The following ANO1 variants were observed in gnomAD, a reference collection of about 807,000 sequenced individuals.
The protein encoded by ANO1 is anoctamin 1.
ANO1 carries 59 observed loss-of-function variants against 124.0 expected under a neutral mutation model. The observed-to-expected ratio is 0.48, with a 90% CI of 0.39 to 0.59. ANO1 has a LOEUF of 0.59. Among genes scored for constraint, ANO1 ranks in the 20% least tolerant of loss-of-function variants. The pLI is 0.00. For synonymous variants in ANO1, 529 were observed against 532.0 expected (o/e 0.99, Z 0.08); for missense variants, 1,059 against 1,328.0 (o/e 0.80, Z 3.15).
intron 13 of ANO1, 31 bp from the exon 14 acceptor site, chr11:70,153,026 G>A (rs2135653537): frequency 6.3e-7 from 1 of 1,578,582 alleles, no homozygotes; most frequent in East Asian, 2.3e-5. Flanking sequence ...AAATTAACAA[G>A]GACTCTGTCT....
chr11:70,167,880 G>C (rs1263557016), intron 21 of ANO1, among the ~76,000 whole-genome samples: 1 of 152,138 alleles, frequency 6.6e-6, no homozygotes, highest in Admixed American at 6.5e-5. Flanking sequence ...TCAGCTCCAA[G>C]GCCCTTCAAG....
At chr11:70,103,225 T>C in intron 3 of ANO1, 61 bp downstream of exon 3, 1 of 1,368,062 alleles carries the variant, frequency 7.3e-7, no homozygotes. Flanking sequence ...CTTGGACGCC[T>C]GGCAGTGAAA....
chr11:70,172,132 A>AAAAAAG (rs111814625), intron 22 of ANO1, among the ~76,000 whole-genome samples: 26,070 of 140,528 alleles, frequency 0.19, 3,044 homozygotes, highest in East Asian at 0.38. Context: ...AAAAAAAAAA[A>AAAAAAG]AAAAGAAAAG....
intron 12 of ANO1, among the ~76,000 whole-genome samples, chr11:70,151,396 G>C (rs910965714): frequency 6.6e-5 from 10 of 152,136 alleles, no homozygotes; most frequent in Non-Finnish European, 1.3e-4. Context: ...CCAGAGCCCT[G>C]TCCATGGAGG....
At chr11:70,160,681 C>T (rs757192999) in intron 16 of ANO1, among the ~76,000 whole-genome samples, 1 of 152,232 alleles carries the variant, frequency 6.6e-6, no homozygotes, top group African/African-American at 2.4e-5. Context: ...CTCAGCCCTG[C>T]ACCACCTGAG....
chr11:70,152,808 G>A (rs879289175), intron 13 of ANO1, among the ~76,000 whole-genome samples: 1 of 152,228 alleles, frequency 6.6e-6, no homozygotes, highest in East Asian at 1.9e-4. Flanking sequence ...TCCACCTCCA[G>A]GAGGACACAG....
chr11:70,010,179 G>GTGTATATATATATATATATATATATATA, intron 1 of ANO1, among the ~76,000 whole-genome samples: 4 of 83,806 alleles, frequency 4.8e-5, no homozygotes, highest in Non-Finnish European at 9.6e-5. Flanking sequence ...GTGTGTGTGT[G>GTGTATATATATATATATATATATATATA]TATATATATA....
intron 1 of ANO1, among the ~76,000 whole-genome samples, chr11:69,998,482 G>A (rs1184587966): frequency 1.3e-5 from 2 of 152,332 alleles, no homozygotes; most frequent in Admixed American, 6.5e-5. Flanking sequence ...TTGTGTGGGC[G>A]TCCTCATGGG....
rs2045398628 is a variant in ANO1, at chr11:70,104,240, C to G, written c.692+90C>G. 1.4e-5 allele frequency: 19 copies of G among 1,396,358 alleles called. No homozygotes were observed. The South Asian group carries it at 1.6e-4, about 12-fold the overall frequency. The allele number at this position is 1,396,358 out of a possible 1,614,324, so 86.5% of individuals were successfully genotyped here. A position where few individuals can be genotyped will look rare whatever the true frequency, so the allele number is the denominator to read the frequency against. Reference sequence around the variant, plus strand: ...TGAGAAATGCAGATTGATTATCTGTCCCCCAAAGAAGAGCGTGTTCTTGTA... The same window carrying G: ...TGAGAAATGCAGATTGATTATCTGTGCCCCAAAGAAGAGCGTGTTCTTGTA... On this transcript the variant is annotated intron_variant, in intron 4 of 25. Coordinates refer to ENST00000355303, the MANE Select transcript of ANO1 (RefSeq NM_018043.7).
upstream of ANO1, among the ~76,000 whole-genome samples, chr11:70,074,760 C>T (rs1178596399): frequency 6.6e-6 from 1 of 152,210 alleles, no homozygotes; most frequent in Non-Finnish European, 1.5e-5. Context: ...CTGCTGGCAT[C>T]TCATGGGTGG....
intron 1 of ANO1, among the ~76,000 whole-genome samples, chr11:70,013,853 G>A (rs11236594): frequency 0.78 from 118,137 of 151,016 alleles, 46,598 homozygotes; most frequent in East Asian, 1. Context: ...GGCTTCAACA[G>A]CATGAATGTG....
intron 1 of ANO1, among the ~76,000 whole-genome samples, chr11:70,062,063 CTTTCTTTTTTTT>C (rs1378813548): frequency 5.2e-5 from 4 of 76,700 alleles, no homozygotes; most frequent in Non-Finnish European, 1.1e-4. Flanking sequence ...CTCTTTCCTT[CTTTCTTTTTTTT>C]TTTTTTTTTT....
At chr11:70,183,352 G>C (rs1334725246) in intron 24 of ANO1, among the ~76,000 whole-genome samples, 2 of 152,234 alleles carry the variant, frequency 1.3e-5, no homozygotes, top group African/African-American at 4.8e-5. Context: ...CCTGTGGGAA[G>C]ACCTTCTGTT....
intron 1 of ANO1, among the ~76,000 whole-genome samples, chr11:70,003,739 C>A (rs1554999685): frequency 6.6e-6 from 1 of 152,052 alleles, no homozygotes. Context: ...ACCACTTGAT[C>A]AAATCACTCC....
chr11:70,116,373 G>A (rs2045974961), intron 7 of ANO1, 85 bp from the exon 8 acceptor site: 7 of 1,320,574 alleles, frequency 5.3e-6, no homozygotes, highest in Non-Finnish European at 7.5e-6. Context: ...AGCTGCTGGG[G>A]TTTATGTTTT....
chr11:70,047,011 T>C (rs542606074), intron 1 of ANO1, among the ~76,000 whole-genome samples: 6 of 144,698 alleles, frequency 4.1e-5, no homozygotes, highest in African/African-American at 1.6e-4. Context: ...GCCCAGAAGA[T>C]GGAGGTTGCA....
intron 1 of ANO1, chr11:70,085,770 C>G (rs2509128): frequency 0.91 from 1,235,085 of 1,354,420 alleles, 563,893 homozygotes; most frequent in Non-Finnish European, 0.92. Flanking sequence ...CCCTCCCCCT[C>G]TCCCCCACTG....
the ANO1 span, among the ~76,000 whole-genome samples, chr11:69,972,604 C>A: frequency 1.6e-4 from 25 of 152,252 alleles, no homozygotes; most frequent in Middle Eastern, 3.4e-3. Flanking sequence ...GTTGTTAGTG[C>A]TTTCACTGTA....
At chr11:70,085,456 C>T in intron 1 of ANO1, 21 of 1,535,146 alleles carry the variant, frequency 1.4e-5, no homozygotes, top group South Asian at 2.4e-5. Flanking sequence ...ACCAGCACAG[C>T]GGGGCCCTGT....
Sources: gnomAD v4.1 joint callset for allele counts (sites outside exome capture counted in the v4.1 genomes callset) on GRCh38, gnomAD v4.1.1 for gene constraint, MANE v1.5 for transcripts, NCBI Gene and HGNC (gene_info 2026-07-23, HGNC 2026-07-21) for gene names.